Variants in TOX observed in about 807,000 individuals in gnomAD.
The protein encoded by TOX is thymocyte selection associated high mobility group box.
A neutral mutation model predicts 53.7 loss-of-function variants in TOX; 11 were observed. That is an observed-to-expected ratio of 0.20 (90% CI 0.13 to 0.34). The LOEUF (loss-of-function observed/expected upper bound fraction) is 0.34, where lower values mean the gene tolerates loss of function less well. TOX is among the 10% of genes least tolerant of loss of function. TOX has a pLI of 1.00. For synonymous variants in TOX, 225 were observed against 245.3 expected, an observed-to-expected ratio of 0.92 and a Z score of 0.77; for missense variants, 570 against 664.6, an observed-to-expected ratio of 0.86 and a Z score of 1.56.
At position 59,011,943 on chromosome 8, in the gene TOX, C is replaced by T. The variant is rs145004911; in HGVS notation, c.103-51935G>A. Among the ~76,000 whole-genome samples the T allele has an allele frequency of 3.2e-3, 481 of 152,230 alleles. 2 individuals are homozygous for T. The highest frequency in any genetic ancestry group is 0.011 in the African/African-American group (447 of 41,524). ...GAGAGGAATTCATTAAAGGTCAAGA[C>T]GAGGCTTGACACACAAGTTCAAGGG... On this transcript the variant is annotated intron_variant, in intron 1 of 8. Transcript: ENST00000361421.
At chr8:58,997,459 T>G (rs964821851) in intron 1 of TOX, among the ~76,000 whole-genome samples, 3 of 152,194 alleles carry the variant, frequency 2.0e-5, no homozygotes, top group African/African-American at 7.2e-5. Flanking sequence ...TTCTGAAACC[T>G]TTTCCTAGGC....
chr8:58,871,388 C>A (rs1427117017), intron 3 of TOX, among the ~76,000 whole-genome samples: 1 of 151,940 alleles, frequency 6.6e-6, no homozygotes, highest in African/African-American at 2.4e-5. Context: ...ACAAAGTAAA[C>A]CATAATATAT....
chr8:58,866,687 T>C (rs1169231755), intron 3 of TOX, among the ~76,000 whole-genome samples: 1 of 152,206 alleles, frequency 6.6e-6, no homozygotes, highest in African/African-American at 2.4e-5. Flanking sequence ...TGCAACTCTG[T>C]TGTCCCCTAA....
At chr8:58,913,780 G>GAGC (rs144476515) in intron 3 of TOX, among the ~76,000 whole-genome samples, 1 of 151,412 alleles carries the variant, frequency 6.6e-6, no homozygotes, top group Non-Finnish European at 1.5e-5. Context: ...CTATGTAAAA[G>GAGC]TCTAAAAAAT....
At chr8:58,902,479 G>A (rs563343484) in intron 3 of TOX, among the ~76,000 whole-genome samples, 1 of 152,300 alleles carries the variant, frequency 6.6e-6, no homozygotes, top group South Asian at 2.1e-4. Context: ...GGCAAGGGAA[G>A]CACCTCATTT....
intron 2 of TOX, among the ~76,000 whole-genome samples, chr8:58,941,883 T>C (rs1443787835): frequency 6.6e-6 from 1 of 151,950 alleles, no homozygotes; most frequent in Non-Finnish European, 1.5e-5. Flanking sequence ...TGAAACCCCA[T>C]CTCTATTAAA....
At chr8:58,890,211 G>A (rs1022831794) in intron 3 of TOX, among the ~76,000 whole-genome samples, 2 of 152,120 alleles carry the variant, frequency 1.3e-5, no homozygotes, top group Middle Eastern at 3.2e-3. Context: ...TACACTGGGA[G>A]AAATTCAAAG....
At chr8:58,902,692 G>A (rs913021250) in intron 3 of TOX, among the ~76,000 whole-genome samples, 1 of 152,132 alleles carries the variant, frequency 6.6e-6, no homozygotes, top group Non-Finnish European at 1.5e-5. Flanking sequence ...CTGGTCACCT[G>A]GATTATTTAA....
chr8:58,930,499 TTA>T (rs1387594022), intron 3 of TOX, among the ~76,000 whole-genome samples: 1 of 152,144 alleles, frequency 6.6e-6, no homozygotes, highest in Admixed American at 6.5e-5. Flanking sequence ...ATGCTGAGTG[TTA>T]ATGCTGAATG....
chr8:59,059,218 A>C (rs1247615354), intron 1 of TOX, among the ~76,000 whole-genome samples: 1 of 152,182 alleles, frequency 6.6e-6, no homozygotes, highest in Non-Finnish European at 1.5e-5. Flanking sequence ...AATTTCAAAA[A>C]ACATGATCCT....
Position 58,939,516 on chromosome 8 carries a change from T to C in TOX, c.197A>G (p.Glu66Gly), listed in dbSNP as rs955219632. The change falls in exon 3 of 9, where the codon GAA becomes GGA. Residue 66 changes from glutamate to glycine, a missense_variant. Glu to Gly is a moderately conservative substitution (Grantham distance 98). This residue lies in a region of TOX where 282 missense variants were observed against 315.0 expected (regional missense o/e 0.90). Transcript: ENST00000361421. ...AGTAATTGGTGGAATGTTGAAGTCTTCACTTTCCAGGCTTGGACCAGGGTA... is the reference window on the plus strand; with the variant it reads ...AGTAATTGGTGGAATGTTGAAGTCTCCACTTTCCAGGCTTGGACCAGGGTA... ...QSYPGPSLESEDFNIPPITPP... is the reference protein window; with the variant it reads ...QSYPGPSLESGDFNIPPITPP... The C allele has an allele frequency of 3.5e-5, 57 of 1,613,968 alleles. No individual in the cohort carries two copies. Among genetic ancestry groups the C allele is most frequent in the Non-Finnish European group, 4.7e-5 (55 of 1,179,996 alleles).
At chr8:59,042,919 A>G (rs1204103294) in intron 1 of TOX, among the ~76,000 whole-genome samples, 2 of 143,324 alleles carry the variant, frequency 1.4e-5, no homozygotes, top group Non-Finnish European at 3.2e-5. Flanking sequence ...CATATTAGTC[A>G]CCTCACATAG....
At chr8:59,052,327 A>C (rs1291524868) in intron 1 of TOX, among the ~76,000 whole-genome samples, 2 of 152,322 alleles carry the variant, frequency 1.3e-5, no homozygotes, top group East Asian at 3.9e-4. Flanking sequence ...TACTTAGTGC[A>C]TTTGCAAAGC....
intron 3 of TOX, among the ~76,000 whole-genome samples, chr8:58,882,442 C>T (rs1407096702): frequency 1.3e-5 from 2 of 152,164 alleles, no homozygotes; most frequent in Non-Finnish European, 2.9e-5. Flanking sequence ...TCATATCTTT[C>T]TTAGCTGTTT....
intron 1 of TOX, among the ~76,000 whole-genome samples, chr8:59,001,581 A>G (rs448699): frequency 1.3e-5 from 2 of 152,150 alleles, no homozygotes; most frequent in African/African-American, 4.8e-5. Flanking sequence ...TCACAAGTTG[A>G]AACTGTGAGT....
chr8:59,111,328 G>A (rs1805013545), intron 1 of TOX, among the ~76,000 whole-genome samples: 1 of 152,128 alleles, frequency 6.6e-6, no homozygotes, highest in African/African-American at 2.4e-5. Context: ...GATATAACAT[G>A]TCTGTTTAAA....
Position 58,808,153 on chromosome 8 carries a change from T to C in TOX, c.1509A>G (p.Gln503=), listed in dbSNP as rs1320539328. 2.2e-5 allele frequency: 36 copies of C among 1,613,694 alleles called. No individual in the cohort carries two copies. Among genetic ancestry groups the C allele is most frequent in the Non-Finnish European group, 3.0e-5 (35 of 1,179,918 alleles). The change falls in exon 8 of 9, where the codon CAA becomes CAG. Residue 503 remains glutamine (Q), a synonymous_variant. Coordinates refer to ENST00000361421, the MANE Select transcript of TOX (RefSeq NM_014729.3). The stretch of plus-strand genomic sequence containing the variant: ...AGTAGTCGTTATTCCAGTCCACCGG[T>C]TGTGGGGGAGGATTTCTGCACCCCG... ...VRSGCRNPPP[Q]PVDWNNDYCS...
chr8:58,947,295 T>C (rs991637139), intron 2 of TOX, among the ~76,000 whole-genome samples: 1 of 152,148 alleles, frequency 6.6e-6, no homozygotes, highest in African/African-American at 2.4e-5. Context: ...GATGGAGTCA[T>C]GAAATGACTC....
intron 6 of TOX, among the ~76,000 whole-genome samples, chr8:58,821,468 T>C (rs954039797): frequency 6.6e-6 from 1 of 152,134 alleles, no homozygotes; most frequent in Admixed American, 6.5e-5. Flanking sequence ...TAACATGAGA[T>C]CTACCATCTT....
Sources: allele counts gnomAD v4.1 joint callset (sites outside exome capture counted in the v4.1 genomes callset), GRCh38; gene constraint gnomAD v4.1.1; regional missense constraint gnomAD v4.1.1; transcripts MANE v1.5; gene names NCBI Gene and HGNC (gene_info 2026-07-23, HGNC 2026-07-21).